ASAP3: variants seen among roughly 807,000 people sequenced by gnomAD.
ASAP3 encodes the protein arf-GAP with SH3 domain, ANK repeat and PH domain-containing protein 3.
ASAP3 carries 85 observed loss-of-function variants against 118.2 expected under a neutral mutation model. The ratio of observed to expected loss-of-function variants is 0.72; its 90% CI spans 0.60 to 0.86. The LOEUF is 0.86. ASAP3 is among the 40% of genes least tolerant of loss of function. ASAP3 has a pLI of 0.00. For missense variants in ASAP3, 1,026 were observed against 1,175.0 expected, an observed-to-expected ratio of 0.87 and a Z score of 1.85; for synonymous variants, 432 against 477.4, an observed-to-expected ratio of 0.90 and a Z score of 1.24.
At chr1:23,431,592 G>T in intron 23 of ASAP3, 104 bp downstream of exon 23, 2 of 1,119,644 alleles carry the variant, frequency 1.8e-6, no homozygotes, top group Non-Finnish European at 2.5e-6. Flanking sequence ...GAGATGGCGT[G>T]TGACCCAGTC....
At chr1:23,465,664 G>A (rs763138315) in intron 1 of ASAP3, among the ~76,000 whole-genome samples, 18 of 151,960 alleles carry the variant, frequency 1.2e-4, no homozygotes, top group Non-Finnish European at 2.2e-4. Context: ...ACCATGCCCA[G>A]CTAATTTTTG....
At chr1:23,480,585 G>A (rs1159017690) in intron 1 of ASAP3, among the ~76,000 whole-genome samples, 1 of 152,144 alleles carries the variant, frequency 6.6e-6, no homozygotes, top group Non-Finnish European at 1.5e-5. Context: ...AAACTCCTGG[G>A]GTTCTTACTG....
chr1:23,449,237 A>G (rs1015697695), intron 5 of ASAP3, among the ~76,000 whole-genome samples: 3 of 152,172 alleles, frequency 2.0e-5, no homozygotes, highest in African/African-American at 4.8e-5. Flanking sequence ...GTGGTCAATA[A>G]ATACTTGCTG....
intron 1 of ASAP3, among the ~76,000 whole-genome samples, chr1:23,477,209 G>A (rs929256080): frequency 6.6e-6 from 1 of 151,420 alleles, no homozygotes; most frequent in Non-Finnish European, 1.5e-5. Context: ...GAGAGACAGG[G>A]TTTCGCCACG....
At chr1:23,444,202 G>A (rs1439624030) in intron 5 of ASAP3, among the ~76,000 whole-genome samples, 1 of 152,172 alleles carries the variant, frequency 6.6e-6, no homozygotes, top group Admixed American at 6.5e-5. Context: ...GACAGAAAGC[G>A]CTTCCCATCC....
intron 3 of ASAP3, among the ~76,000 whole-genome samples, chr1:23,453,474 G>T (rs1641288928): frequency 6.6e-6 from 1 of 152,140 alleles, no homozygotes; most frequent in South Asian, 2.1e-4. Flanking sequence ...GGGCATCTGG[G>T]CCTGCTGGGC....
At chr1:23,450,459 A>C (rs1166498929) in intron 5 of ASAP3, among the ~76,000 whole-genome samples, 1 of 152,210 alleles carries the variant, frequency 6.6e-6, no homozygotes, top group Non-Finnish European at 1.5e-5. Flanking sequence ...ATTTTTATAA[A>C]AACATTTCTT....
At chr1:23,456,452 TAGTGA>T (rs1316145612) in intron 1 of ASAP3, among the ~76,000 whole-genome samples, 1 of 152,136 alleles carries the variant, frequency 6.6e-6, no homozygotes, top group Non-Finnish European at 1.5e-5. Context: ...AGCGTAAATG[TAGTGA>T]GTCAAAGGTA....
At position 23,437,119 on chromosome 1, in the gene ASAP3, C is replaced by G; in HGVS notation, c.1342+11G>C. The G allele has an allele frequency of 1.2e-6, 2 of 1,601,504 alleles. No homozygotes were observed. The highest frequency in any genetic ancestry group is 1.7e-6 in the Non-Finnish European group (2 of 1,173,568). On this transcript the variant is annotated intron_variant, in intron 14 of 24. Transcript: ENST00000336689. This position sits in a 1 kb window ranked among gnomAD's most constrained non-coding sequence, Gnocchi z 6.1. ...TTAAGCCTCCCTCCTGCCCCGGCCC[C>G]GGGGACCGACCTGCAGCCCCGCAGT...
chr1:23,458,327 AAAAT>A (rs1418933388), intron 1 of ASAP3, among the ~76,000 whole-genome samples: 2 of 152,196 alleles, frequency 1.3e-5, no homozygotes, highest in East Asian at 1.9e-4. Context: ...CCGAAAAGAA[AAAAT>A]AAATAAATTA....
intron 5 of ASAP3, among the ~76,000 whole-genome samples, chr1:23,443,576 T>G (rs1640947873): frequency 6.6e-6 from 1 of 152,158 alleles, no homozygotes; most frequent in Non-Finnish European, 1.5e-5. Context: ...CTTTTTCTTT[T>G]TTTTAGTGCA....
intron 24 of ASAP3, 129 bp from the exon 25 acceptor site, chr1:23,430,059 T>G: frequency 1.2e-6 from 1 of 820,550 alleles, no homozygotes; most frequent in Non-Finnish European, 1.8e-6. Flanking sequence ...ACAAAGAAAC[T>G]GAGGCTTGAG....
At position 23,429,884 on chromosome 1, in the gene ASAP3, G is replaced by T. The variant is rs770017518; in HGVS notation, c.2684C>A (p.Ala895Glu). ...GDGSRTGSLPASSVQLLQD is the reference protein window; with the variant it reads ...GDGSRTGSLPESSVQLLQD ...GTCTTGCAAAAGTTGCACAGAACTT[G>T]CTGGGAGACTCCCAGTCCTTGAGCC... Residue 895 changes from alanine (A) to glutamate (E), a missense_variant, in exon 25 of 25, where the codon GCA becomes GAA. Physicochemically the swap from Ala to Glu is moderately radical, Grantham distance 107. Coordinates refer to ENST00000336689, the MANE Select transcript of ASAP3 (RefSeq NM_017707.4). The T allele has an allele frequency of 1.9e-6, 3 of 1,614,010 alleles. No individual in the cohort carries two copies. Among genetic ancestry groups the T allele is most frequent in the Non-Finnish European group, 2.5e-6 (3 of 1,179,952 alleles).
intron 1 of ASAP3, among the ~76,000 whole-genome samples, chr1:23,461,484 T>C (rs1641583321): frequency 6.6e-6 from 1 of 151,476 alleles, no homozygotes; most frequent in South Asian, 2.1e-4. Flanking sequence ...CTGGGCAACA[T>C]AGTGAGAGTC....
rs985539055 is a variant in ASAP3, at chr1:23,442,635, C to T, written c.474-23G>A. 7 of 1,610,554 alleles carry T rather than the reference C, an allele frequency of 4.3e-6. No homozygotes were observed. The African/African-American group carries it at 8.0e-5, about 18-fold the overall frequency. On this transcript the variant is annotated intron_variant, in intron 5 of 24. Coordinates refer to ENST00000336689, the MANE Select transcript of ASAP3 (RefSeq NM_017707.4). ...GCCCTAGACCCCAAGGAAAGAGAAG[C>T]CTGAACAAGTCTCACCAGCCCCTAT...
At chr1:23,481,048 G>C (rs1642289638) in intron 1 of ASAP3, among the ~76,000 whole-genome samples, 1 of 152,202 alleles carries the variant, frequency 6.6e-6, no homozygotes, top group Non-Finnish European at 1.5e-5. Context: ...AACAGGACCG[G>C]GGGTAGAACA....
rs752518914 is a variant in ASAP3, at chr1:23,433,542, A to C, written c.2020-10T>G. 12 of 1,614,078 alleles carry C rather than the reference A, an allele frequency of 7.4e-6. No individual in the cohort carries two copies. The highest frequency in any genetic ancestry group is 1.0e-5 in the Non-Finnish European group (12 of 1,180,036). On this transcript the variant is annotated splice_polypyrimidine_tract_variant and intron_variant, in intron 20 of 24. Coordinates refer to ENST00000336689, the MANE Select transcript of ASAP3 (RefSeq NM_017707.4). ...CCTGGGCCTGCTCCAGCTGCCAAAA[A>C]CAAAGGCTTGGTGGTTCAGAGGGTT...
At chr1:23,443,993 G>A (rs1335122479) in intron 5 of ASAP3, among the ~76,000 whole-genome samples, 1 of 152,022 alleles carries the variant, frequency 6.6e-6, no homozygotes, top group Non-Finnish European at 1.5e-5. Context: ...AAAGTGCTGG[G>A]ATTACAGGCA....
At chr1:23,475,305 A>C (rs976467434) in intron 1 of ASAP3, among the ~76,000 whole-genome samples, 1 of 152,218 alleles carries the variant, frequency 6.6e-6, no homozygotes, top group East Asian at 1.9e-4. Flanking sequence ...GTGTGGCAGC[A>C]GTGTCCTGCC....
Sources: allele counts gnomAD v4.1 joint callset (sites outside exome capture counted in the v4.1 genomes callset), GRCh38; gene constraint gnomAD v4.1.1; non-coding constraint Gnocchi (gnomAD v3.1); transcripts MANE v1.5; gene names NCBI Gene and HGNC (gene_info 2026-07-23, HGNC 2026-07-21).